ANKFN1: variants seen among roughly 807,000 people sequenced by gnomAD.
The protein encoded by ANKFN1 is ankyrin repeat and fibronectin type III domain containing 1.
Under a neutral mutation model 108.7 loss-of-function variants are expected in ANKFN1, and 74 were observed. The observed-to-expected ratio is 0.68, with a 90% CI of 0.56 to 0.83. ANKFN1 has a LOEUF of 0.83. Ranked by LOEUF, ANKFN1 falls within the 40% of genes least tolerant of loss-of-function variation. The pLI is 0.00. For synonymous variants in ANKFN1, 547 were observed against 516.2 expected (o/e 1.06, Z -0.81); for missense variants, 1,505 against 1,382.3 (o/e 1.09, Z -1.41).
intron 4 of ANKFN1, among the ~76,000 whole-genome samples, chr17:56,110,754 C>A (rs1905915763): frequency 6.6e-6 from 1 of 152,220 alleles, no homozygotes; most frequent in Non-Finnish European, 1.5e-5. Flanking sequence ...CTCACCCCAA[C>A]AATACCTTTT....
intron 3 of ANKFN1, among the ~76,000 whole-genome samples, chr17:56,274,342 G>T (rs953080340): frequency 5.3e-5 from 8 of 152,206 alleles, no homozygotes; most frequent in Middle Eastern, 3.4e-3. Context: ...GCGTGGTGGC[G>T]GGCGCCTGTA....
intron 3 of ANKFN1, among the ~76,000 whole-genome samples, chr17:56,240,901 T>C (rs1454646233): frequency 6.6e-6 from 1 of 152,162 alleles, no homozygotes; most frequent in African/African-American, 2.4e-5. Context: ...GTGAATTATC[T>C]CTTCCATTTA....
At chr17:56,201,476 A>G (rs1914055156) in intron 1 of ANKFN1, among the ~76,000 whole-genome samples, 1 of 152,206 alleles carries the variant, frequency 6.6e-6, no homozygotes, top group African/African-American at 2.4e-5. Context: ...ATTAATGTCT[A>G]TCTTCTTTAC....
chr17:56,290,494 C>A (rs773388920), intron 3 of ANKFN1, among the ~76,000 whole-genome samples: 2 of 152,008 alleles, frequency 1.3e-5, no homozygotes, highest in Non-Finnish European at 2.9e-5. Context: ...CTATATATAC[C>A]TTGATGTAGT....
At chr17:56,152,260 A>ATGTGTGTGTGTGTGTGTGTG (rs747513318), upstream of ANKFN1, among the ~76,000 whole-genome samples, 136 of 128,656 alleles carry the variant, frequency 1.1e-3, no homozygotes, top group Non-Finnish European at 1.8e-3. Context: ...ATATATATAT[A>ATGTGTGTGTGTGTGTGTGTG]TATGTGTGTG....
Position 56,480,906 on chromosome 17 carries a change from T to C in ANKFN1, c.2091+88T>C, listed in dbSNP as rs560266026. ...TAAGTGGGGTGTGTGTGTGTGTGTG[T>C]GTGTGTGTGTGTGTGTAAATTTTCC... On this transcript the variant is annotated intron_variant, in intron 17 of 20. Coordinates refer to ENST00000682825, the MANE Select transcript of ANKFN1 (RefSeq NM_001370326.1). 4.3e-5 allele frequency: 58 copies of C among 1,333,394 alleles called. No homozygotes were observed. The African/African-American group carries it at 8.7e-4, about 20-fold the overall frequency. 82.6% of individuals were successfully genotyped at this position (1,333,394 alleles called of 1,614,324 possible).
rs779231317 is a variant in ANKFN1 at position 56,227,864 on chromosome 17, G to A, written c.13-53G>A. The A allele has an allele frequency of 3.3e-4, 470 of 1,434,012 alleles. 2 individuals carry two copies. Among genetic ancestry groups the A allele is most frequent in the Middle Eastern group, 2.4e-3 (13 of 5,464 alleles). 88.8% of individuals were successfully genotyped at this position (1,434,012 alleles called of 1,614,324 possible). A position where few individuals can be genotyped will look rare whatever the true frequency, so the allele number is the denominator to read the frequency against. ...TCAAACGTGACTCCTTTTTCATTTT[G>A]AATTGATTACTGTACAATTTTTTAA... On this transcript the variant is annotated intron_variant, in intron 2 of 20. Coordinates refer to ENST00000682825, the MANE Select transcript of ANKFN1 (RefSeq NM_001370326.1).
chr17:56,190,554 T>G (rs1043119298), intron 1 of ANKFN1, among the ~76,000 whole-genome samples: 1 of 137,944 alleles, frequency 7.2e-6, no homozygotes, highest in Non-Finnish European at 1.5e-5. Context: ...GAGTTCTAGT[T>G]TGATTGCACT....
chr17:56,142,939 A>G (rs1908014076), intron 4 of ANKFN1, among the ~76,000 whole-genome samples: 1 of 152,170 alleles, frequency 6.6e-6, no homozygotes. Context: ...CTATTTGGTC[A>G]GTTTTCCCAG....
chr17:56,490,737 AGAAG>A (rs371432764), intron 18 of ANKFN1, among the ~76,000 whole-genome samples: 1 of 152,156 alleles, frequency 6.6e-6, no homozygotes, highest in African/African-American at 2.4e-5. Context: ...AGAGAAGATG[AGAAG>A]GAAGGATCTG....
At chr17:56,056,293 T>C (rs9900276) in intron 4 of ANKFN1, among the ~76,000 whole-genome samples, 99,814 of 151,316 alleles carry the variant, frequency 0.66, 34,235 homozygotes, top group Non-Finnish European at 0.78. Context: ...ATTACTAATG[T>C]CATTTCTTAT....
At chr17:56,456,443 G>C (rs1413442363) in intron 11 of ANKFN1, among the ~76,000 whole-genome samples, 2 of 125,596 alleles carry the variant, frequency 1.6e-5, no homozygotes, top group Admixed American at 1.1e-4. Context: ...TCGCTCTGTC[G>C]CCCAGGCTGG....
intron 3 of ANKFN1, chr17:56,323,674 G>C (rs1172225612): frequency 6.6e-6 from 1 of 152,156 alleles, no homozygotes; most frequent in Non-Finnish European, 1.5e-5. Context: ...TTTCAATTCT[G>C]AGACCCCATT....
At chr17:56,065,933 C>G (rs1334532910) in intron 4 of ANKFN1, among the ~76,000 whole-genome samples, 1 of 152,188 alleles carries the variant, frequency 6.6e-6, no homozygotes, top group East Asian at 1.9e-4. Flanking sequence ...TGCCACAAGC[C>G]TTCAATTTAT....
At chr17:56,169,830 G>T (rs1910487638) in intron 1 of ANKFN1, among the ~76,000 whole-genome samples, 1 of 152,108 alleles carries the variant, frequency 6.6e-6, no homozygotes, top group Non-Finnish European at 1.5e-5. Context: ...AAACCCTAAA[G>T]GTGCTCCTGC....
At chr17:56,126,706 G>C (rs1389464863) in intron 4 of ANKFN1, among the ~76,000 whole-genome samples, 1 of 152,166 alleles carries the variant, frequency 6.6e-6, no homozygotes, top group Admixed American at 6.5e-5. Flanking sequence ...GGCTCTCCAG[G>C]ACCAAAAGGG....
chr17:56,106,943 T>G (rs1905762981), intron 4 of ANKFN1, among the ~76,000 whole-genome samples: 1 of 152,172 alleles, frequency 6.6e-6, no homozygotes, highest in African/African-American at 2.4e-5. Flanking sequence ...GTTTTTACAG[T>G]TGAAATACTA....
chr17:56,153,081 C>T (rs555052677), upstream of ANKFN1, among the ~76,000 whole-genome samples: 2 of 152,220 alleles, frequency 1.3e-5, no homozygotes, highest in Admixed American at 1.3e-4. Context: ...TAAAACCCAC[C>T]CCTTTCAACC....
At chr17:56,367,823 C>A (rs1048663447) in intron 6 of ANKFN1, among the ~76,000 whole-genome samples, 2 of 152,106 alleles carry the variant, frequency 1.3e-5, no homozygotes, top group African/African-American at 4.8e-5. Context: ...ACAGACATAG[C>A]CTTTCTATTT....
Sources: allele counts gnomAD v4.1 joint callset (sites outside exome capture counted in the v4.1 genomes callset), GRCh38; gene constraint gnomAD v4.1.1; transcripts MANE v1.5; gene names NCBI Gene and HGNC (gene_info 2026-07-23, HGNC 2026-07-21).